The following LRRFIP1 variants were observed in gnomAD, a reference collection of about 807,000 sequenced individuals.
LRRFIP1 encodes LRR binding FLII interacting protein 1, also known as leucine-rich repeat flightless-interacting protein 1.
LRRFIP1 carries 62 observed loss-of-function variants against 104.4 expected under a neutral mutation model. That is an observed-to-expected ratio of 0.59 (90% confidence interval 0.48 to 0.73). The LOEUF is 0.73. Among genes scored for constraint, LRRFIP1 ranks in the 30% least tolerant of loss-of-function variants. The pLI is 0.00. For missense variants in LRRFIP1, 796 were observed against 824.5 expected (o/e 0.97, Z 0.42); for synonymous variants, 300 against 299.0 (o/e 1.00, Z -0.03).
chr2:237,716,302 G>A (rs980944021), intron 3 of LRRFIP1, among the ~76,000 whole-genome samples: 1 of 152,180 alleles, frequency 6.6e-6, no homozygotes, highest in Non-Finnish European at 1.5e-5. Flanking sequence ...ACTTTGGGAT[G>A]TTTGTTTTTA....
chr2:237,720,982 G>A, intron 6 of LRRFIP1, 160 bp downstream of exon 6: 1 of 645,022 alleles, frequency 1.6e-6, no homozygotes, highest in Non-Finnish European at 2.8e-6. Context: ...AATGGGGGAT[G>A]TTTCTTTGTT....
chr2:237,637,584 AG>A (rs1364008038), intron 1 of LRRFIP1, among the ~76,000 whole-genome samples: 2 of 152,234 alleles, frequency 1.3e-5, no homozygotes, highest in Non-Finnish European at 2.9e-5. Flanking sequence ...TGGAGAGTTT[AG>A]GTAGGCAGAA....
At chr2:237,673,997 C>T (rs2090760205) in intron 1 of LRRFIP1, among the ~76,000 whole-genome samples, 1 of 152,186 alleles carries the variant, frequency 6.6e-6, no homozygotes, top group African/African-American at 2.4e-5. Flanking sequence ...CTATTATTGT[C>T]TCTCCTTTAC....
At position 237,691,473 on chromosome 2, in the gene LRRFIP1, C is replaced by T. The variant is rs1192933407; in HGVS notation, c.97-17071C>T. On this transcript the variant is annotated intron_variant, in intron 1 of 23. Coordinates refer to ENST00000308482, the MANE Select transcript of LRRFIP1 (RefSeq NM_001137550.2). The surrounding 1 kb of genome is among the most constrained non-coding windows in gnomAD (Gnocchi z 5.4). ...CACCCTGCAAGCTCGTTCTCCCCTG[C>T]GGGCCGCCGCACCGGGCCAAGGGGG... Among the ~76,000 whole-genome samples, 1 of 152,190 alleles carries T rather than the reference C, an allele frequency of 6.6e-6. No individual in the cohort carries two copies. Among genetic ancestry groups the T allele is most frequent in the African/African-American group, 2.4e-5 (1 of 41,448 alleles).
At chr2:237,748,422 A>G (rs2058153888) in intron 12 of LRRFIP1, 23 bp downstream of exon 12, 1 of 1,581,644 alleles carries the variant, frequency 6.3e-7, no homozygotes, top group Non-Finnish European at 8.6e-7. Context: ...TCATAAACCT[A>G]GAGGGTCCCA....
At chr2:237,695,867 T>G (rs972207809) in intron 1 of LRRFIP1, among the ~76,000 whole-genome samples, 1 of 152,184 alleles carries the variant, frequency 6.6e-6, no homozygotes, top group Admixed American at 6.5e-5. Flanking sequence ...TTCTCCCAAA[T>G]TAAATATTTT....
At position 237,692,435 on chromosome 2, in the gene LRRFIP1, G is replaced by C. The variant is rs577822937; in HGVS notation, c.97-16109G>C. 35 of 1,502,652 alleles carry C rather than the reference G, an allele frequency of 2.3e-5. 1 individual carries two copies. In the East Asian group the frequency reaches 3.6e-4, roughly 15 times the overall value. The allele number at this position is 1,502,652 out of a possible 1,614,324, so 93.1% of individuals were successfully genotyped here. On this transcript the variant is annotated intron_variant, in intron 1 of 23. Coordinates refer to ENST00000308482, the MANE Select transcript of LRRFIP1 (RefSeq NM_001137550.2). ...GTCCCCGAGCATTTCCCGCCGGGTG[G>C]AGCGGGCCGAGCCCGGCAGGATGAC...
chr2:237,749,367 G>C, intron 13 of LRRFIP1, 43 bp downstream of exon 13: 2 of 1,596,878 alleles, frequency 1.3e-6, no homozygotes, highest in Non-Finnish European at 1.7e-6. Context: ...AGAACCTTTT[G>C]TAAAAATCAG....
chr2:237,655,409 C>T lies in LRRFIP1; in HGVS notation c.96+27669C>T, dbSNP rs1325700880. Among the ~76,000 whole-genome samples the T allele has an allele frequency of 5.3e-5, 8 of 151,546 alleles. No individual in the cohort carries two copies. In the Admixed American group the frequency reaches 5.3e-4, roughly 10 times the overall value. On this transcript the variant is annotated intron_variant, in intron 1 of 23. Coordinates refer to ENST00000308482, the MANE Select transcript of LRRFIP1 (RefSeq NM_001137550.2). ...ACAGACATGAGCCACTGCACCCAGCCGTCACTCATCTTCTAATGGAAAGAA... is the reference window on the plus strand; with the variant it reads ...ACAGACATGAGCCACTGCACCCAGCTGTCACTCATCTTCTAATGGAAAGAA...
In LRRFIP1 at chr2:237,696,059, G is replaced by A. The variant is rs1278193985; in HGVS notation, c.97-12485G>A. On this transcript the variant is annotated intron_variant, in intron 1 of 23. Coordinates refer to ENST00000308482, the MANE Select transcript of LRRFIP1 (RefSeq NM_001137550.2). ...ATTTTGGAAAGGGCCAGTGTTTCCA[G>A]TGGTTTCTCCTTGGGATTGTAACTT... Among the ~76,000 whole-genome samples, 10 of 152,312 alleles carry A rather than the reference G, an allele frequency of 6.6e-5. No homozygotes were observed. In the East Asian group the frequency reaches 9.6e-4, roughly 15 times the overall value.
At chr2:237,716,538 T>C (rs1228728218) in intron 3 of LRRFIP1, among the ~76,000 whole-genome samples, 2 of 152,258 alleles carry the variant, frequency 1.3e-5, no homozygotes, top group Non-Finnish European at 2.9e-5. Context: ...TATTTTTAAA[T>C]CTGGCCGCCC....
At chr2:237,771,613 A>G (rs1434222806) in intron 20 of LRRFIP1, among the ~76,000 whole-genome samples, 1 of 120,690 alleles carries the variant, frequency 8.3e-6, no homozygotes, top group Non-Finnish European at 1.6e-5. Flanking sequence ...TTGCTTAGAG[A>G]GGGGAAAGCT....
At chr2:237,720,722 T>G (rs1479177448) in intron 5 of LRRFIP1, 50 bp from the exon 6 acceptor site, 12 of 1,528,364 alleles carry the variant, frequency 7.9e-6, no homozygotes, top group Non-Finnish European at 1.1e-5. Context: ...TGGTTCTTCA[T>G]GTATGTTGTA....
intron 1 of LRRFIP1, among the ~76,000 whole-genome samples, chr2:237,629,467 C>CTTT (rs745503726): frequency 6.7e-4 from 79 of 117,360 alleles, no homozygotes; most frequent in Middle Eastern, 9.3e-3. Context: ...TTTCTTTCTT[C>CTTT]TTTTTTTTTT....
chr2:237,693,846 G>T (rs2092981892), intron 1 of LRRFIP1, among the ~76,000 whole-genome samples: 1 of 152,204 alleles, frequency 6.6e-6, no homozygotes, highest in Non-Finnish European at 1.5e-5. Flanking sequence ...CACACCTGGA[G>T]CAGCTAAGGC....
chr2:237,779,732 C>T lies in LRRFIP1; in HGVS notation c.*200C>T, dbSNP rs545450729. ...CCACCAGGTGCCTCTGTCTGCAGAC[C>T]CCTGGCCCGGGCTGGCGCCGACGCT... On this transcript the variant is annotated 3_prime_UTR_variant, in exon 24 of 24. Coordinates refer to ENST00000308482, the MANE Select transcript of LRRFIP1 (RefSeq NM_001137550.2). 4.0e-4 allele frequency: 197 copies of T among 495,050 alleles called. No individual in the cohort carries two copies. The East Asian group carries it at 7.0e-3, about 18-fold the overall frequency. The allele number at this position is 495,050 out of a possible 1,614,324, so 30.7% of individuals were successfully genotyped here. A position where few individuals can be genotyped will look rare whatever the true frequency, so the allele number is the denominator to read the frequency against.
intron 9 of LRRFIP1, 32 bp downstream of exon 9, chr2:237,733,850 C>A (rs776897627): frequency 1.9e-6 from 3 of 1,612,014 alleles, no homozygotes; most frequent in African/African-American, 2.7e-5. Context: ...CTGCCCCGCA[C>A]CCCCTCCCAC....
At chr2:237,668,917 T>C in intron 1 of LRRFIP1, among the ~76,000 whole-genome samples, 1 of 152,348 alleles carries the variant, frequency 6.6e-6, no homozygotes, top group African/African-American at 2.4e-5. Context: ...GTTAACATTT[T>C]GTTTATTTTT....
intron 19 of LRRFIP1, chr2:237,763,904 C>A: frequency 6.2e-7 from 1 of 1,614,248 alleles, no homozygotes; most frequent in Middle Eastern, 1.6e-4. Context: ...CCTGCCCGAA[C>A]ATGAAAGTCC....
Sources: allele counts gnomAD v4.1 joint callset (sites outside exome capture counted in the v4.1 genomes callset), GRCh38; gene constraint gnomAD v4.1.1; non-coding constraint Gnocchi (gnomAD v3.1); transcripts MANE v1.5; gene names NCBI Gene and HGNC (gene_info 2026-07-23, HGNC 2026-07-21).